Variants in FOXP1 observed in about 807,000 individuals in gnomAD.
The protein encoded by FOXP1 is forkhead box protein P1.
FOXP1 carries 15 observed loss-of-function variants against 98.2 expected under a neutral mutation model. That is an observed-to-expected ratio of 0.15 (90% CI 0.10 to 0.24). The LOEUF is 0.24. Among genes scored for constraint, FOXP1 ranks in the 10% least tolerant of loss-of-function variants. The pLI is 1.00. For missense variants in FOXP1, 633 were observed against 848.5 expected (o/e 0.75, Z 3.15); for synonymous variants, 371 against 314.5 (o/e 1.18, Z -1.90).
chr3:70,970,674 T>C, intron 19 of FOXP1, 62 bp downstream of exon 19: 1 of 1,282,856 alleles, frequency 7.8e-7, no homozygotes, highest in South Asian at 1.2e-5. Flanking sequence ...GCTAATATAT[T>C]TTGAAATGAG....
chr3:71,269,413 C>T (rs1452375628), intron 5 of FOXP1, among the ~76,000 whole-genome samples: 1 of 151,794 alleles, frequency 6.6e-6, no homozygotes, highest in African/African-American at 2.4e-5. Flanking sequence ...TAAAATTCCA[C>T]TATAAAAAGA....
chr3:71,473,393 G>C (rs902655391), intron 3 of FOXP1, among the ~76,000 whole-genome samples: 8 of 152,124 alleles, frequency 5.3e-5, no homozygotes, highest in Non-Finnish European at 1.0e-4. Flanking sequence ...TGAAGGAACT[G>C]AGAGGAAGAA....
intron 5 of FOXP1, among the ~76,000 whole-genome samples, chr3:71,290,788 TC>T (rs2072667730): frequency 1.3e-5 from 2 of 152,150 alleles, no homozygotes; most frequent in African/African-American, 4.8e-5. Flanking sequence ...AAGGAAATGC[TC>T]ACAGGAGCAT....
intron 6 of FOXP1, among the ~76,000 whole-genome samples, chr3:71,156,242 G>A (rs934736085): frequency 6.6e-6 from 1 of 152,136 alleles, no homozygotes; most frequent in Non-Finnish European, 1.5e-5. Flanking sequence ...ATGATGCATG[G>A]CTCTGGGAAT....
At chr3:71,328,979 AAAAAAAAAAAC>A (rs1224458804) in intron 4 of FOXP1, among the ~76,000 whole-genome samples, 2 of 120,700 alleles carry the variant, frequency 1.7e-5, no homozygotes, top group Non-Finnish European at 1.8e-5. Flanking sequence ...CTCGCTAAAA[AAAAAAAAAAAC>A]AAAAAAAAAA....
intron 1 of FOXP1, 160 bp downstream of exon 1, chr3:71,583,411 A>G: frequency 1.1e-6 from 1 of 935,686 alleles, no homozygotes; most frequent in Non-Finnish European, 1.3e-6. Flanking sequence ...TGGAGCCTGG[A>G]GGTGGAAAGT....
intron 12 of FOXP1, among the ~76,000 whole-genome samples, chr3:71,006,420 A>T (rs2042819474): frequency 6.6e-6 from 1 of 152,066 alleles, no homozygotes; most frequent in African/African-American, 2.4e-5. Context: ...GATAAAACTC[A>T]TTTTTCCCTA....
intron 7 of FOXP1, among the ~76,000 whole-genome samples, chr3:71,055,801 CAAAA>C (rs1477772299): frequency 6.6e-6 from 1 of 152,112 alleles, no homozygotes; most frequent in Non-Finnish European, 1.5e-5. Flanking sequence ...ATTAAGCAAA[CAAAA>C]GAACCATGTT....
intron 13 of FOXP1, among the ~76,000 whole-genome samples, chr3:70,995,285 T>C (rs1003878421): frequency 2.6e-5 from 4 of 152,028 alleles, no homozygotes; most frequent in Non-Finnish European, 4.4e-5. Flanking sequence ...ATCCTGGCCA[T>C]GGCATTTCTC....
At chr3:70,998,164 A>G (rs1335145321) in intron 13 of FOXP1, among the ~76,000 whole-genome samples, 1 of 152,202 alleles carries the variant, frequency 6.6e-6, no homozygotes, top group Non-Finnish European at 1.5e-5. Context: ...AAACTTCTGT[A>G]AGAGCCAGAT....
chr3:71,486,630 A>C (rs2090672654), intron 3 of FOXP1, among the ~76,000 whole-genome samples: 1 of 152,224 alleles, frequency 6.6e-6, no homozygotes, highest in South Asian at 2.1e-4. Context: ...TAAAATTAAA[A>C]TGTACATTAG....
chr3:71,387,469 TTC>T (rs1343276435), intron 3 of FOXP1, among the ~76,000 whole-genome samples: 2 of 152,236 alleles, frequency 1.3e-5, no homozygotes, highest in Non-Finnish European at 2.9e-5. Flanking sequence ...TTGTATTTCT[TTC>T]TCTTTCTCAT....
At chr3:71,484,406 G>A (rs1040915909) in intron 3 of FOXP1, among the ~76,000 whole-genome samples, 2 of 152,132 alleles carry the variant, frequency 1.3e-5, no homozygotes, top group Non-Finnish European at 2.9e-5. Flanking sequence ...GATATGTAAG[G>A]TTTAAATTTC....
At chr3:71,504,457 A>G (rs1486037445) in intron 2 of FOXP1, among the ~76,000 whole-genome samples, 4 of 152,200 alleles carry the variant, frequency 2.6e-5, no homozygotes, top group African/African-American at 4.8e-5. Context: ...TTTTTCCTCA[A>G]TTTTCAAAAC....
intron 5 of FOXP1, among the ~76,000 whole-genome samples, chr3:71,205,913 T>C (rs906744235): frequency 3.9e-5 from 6 of 152,226 alleles, no homozygotes; most frequent in African/African-American, 1.4e-4. Context: ...GGCAGCTTTC[T>C]TGCCTTCAAA....
chr3:70,979,881 T>C (rs1268508201), intron 14 of FOXP1, among the ~76,000 whole-genome samples: 1 of 151,440 alleles, frequency 6.6e-6, no homozygotes, highest in Non-Finnish European at 1.5e-5. Flanking sequence ...AGATCAAATA[T>C]CATGAAGAAA....
At chr3:70,961,327 C>T (rs2106908538) in intron 20 of FOXP1, among the ~76,000 whole-genome samples, 1 of 152,166 alleles carries the variant, frequency 6.6e-6, no homozygotes, top group East Asian at 1.9e-4. Flanking sequence ...AACCCCCAGG[C>T]TCAAGTAATT....
chr3:71,083,596 G>T (rs1251458916), intron 7 of FOXP1, among the ~76,000 whole-genome samples: 1 of 152,186 alleles, frequency 6.6e-6, no homozygotes, highest in African/African-American at 2.4e-5. Flanking sequence ...CTCTTTCTGA[G>T]GGGTTGCTAA....
At chr3:71,535,608 G>A (rs937897463) in intron 2 of FOXP1, among the ~76,000 whole-genome samples, 2 of 152,178 alleles carry the variant, frequency 1.3e-5, no homozygotes, top group Non-Finnish European at 2.9e-5. Flanking sequence ...TGCACCTGTG[G>A]TCCCAGCTAC....
Sources: gnomAD v4.1 joint callset for allele counts (sites outside exome capture counted in the v4.1 genomes callset) on GRCh38, gnomAD v4.1.1 for gene constraint, MANE v1.5 for transcripts, NCBI Gene and HGNC (gene_info 2026-07-23, HGNC 2026-07-21) for gene names.